The following LINGO2 variants were observed in gnomAD, a reference collection of about 807,000 sequenced individuals.
LINGO2 encodes leucine rich repeat and Ig domain containing 2.
LINGO2 carries 14 observed loss-of-function variants against 30.6 expected under a neutral mutation model. The ratio of observed to expected loss-of-function variants is 0.46; its 90% CI spans 0.30 to 0.72. The LOEUF (loss-of-function observed/expected upper bound fraction) is 0.72. LINGO2 is among the 30% of genes least tolerant of loss of function. The pLI, the probability that LINGO2 is intolerant of heterozygous loss-of-function variation, is 0.07. For missense variants in LINGO2, 729 were observed against 751.7 expected (o/e 0.97, Z 0.35); for synonymous variants, 317 against 288.5 (o/e 1.10, Z -1.00).
At chr9:28,349,130 C>T (rs1009927738) in intron 3 of LINGO2, among the ~76,000 whole-genome samples, 24 of 152,170 alleles carry the variant, frequency 1.6e-4, no homozygotes, top group Admixed American at 1.1e-3. Context: ...TCACTAGCAA[C>T]GGAACAAAGC....
intron 2 of LINGO2, among the ~76,000 whole-genome samples, chr9:28,414,742 C>T (rs1322662278): frequency 1.3e-5 from 2 of 152,074 alleles, no homozygotes; most frequent in African/African-American, 4.8e-5. Flanking sequence ...AGCCTCCCCT[C>T]AACTGGGCTT....
Position 28,335,949 on chromosome 9 carries a change from C to G in LINGO2, c.-246+36887G>C, listed in dbSNP as rs531242456. 3.9e-5 allele frequency among the ~76,000 whole-genome samples: 6 copies of G among 151,950 alleles called. No homozygotes were observed. In the East Asian group the frequency reaches 1.2e-3, roughly 29 times the overall value. Reference sequence around the variant, plus strand: ...AGTTTACTTTTCTGTTAGATCAATGCTCAGTAGTATAATTTTAGATGTAAT... The same window carrying G: ...AGTTTACTTTTCTGTTAGATCAATGGTCAGTAGTATAATTTTAGATGTAAT... On this transcript the variant is annotated intron_variant, in intron 3 of 5. Transcript: ENST00000379992.
At chr9:28,605,082 C>A (rs1426599006) in intron 1 of LINGO2, among the ~76,000 whole-genome samples, 1 of 151,926 alleles carries the variant, frequency 6.6e-6, no homozygotes, top group Non-Finnish European at 1.5e-5. Flanking sequence ...GATTACTATT[C>A]ATACGTAGTT....
the LINGO2 span, among the ~76,000 whole-genome samples, chr9:28,866,304 T>G: frequency 1.3e-5 from 2 of 152,114 alleles, no homozygotes; most frequent in Non-Finnish European, 2.9e-5. Context: ...TTTATTGTAT[T>G]TTTTTAAGGT....
intron 3 of LINGO2, among the ~76,000 whole-genome samples, chr9:28,355,863 C>T (rs553088762): frequency 6.6e-6 from 1 of 152,234 alleles, no homozygotes; most frequent in East Asian, 1.9e-4. Context: ...TTGTTGCCAG[C>T]GTGAGTATCA....
chr9:27,977,484 G>A (rs1019226322), intron 5 of LINGO2, among the ~76,000 whole-genome samples: 3 of 151,808 alleles, frequency 2.0e-5, no homozygotes, highest in Non-Finnish European at 4.4e-5. Context: ...AGATTACGAC[G>A]ACTCCCTGAC....
At chr9:27,989,514 A>G (rs1821290203) in intron 5 of LINGO2, among the ~76,000 whole-genome samples, 1 of 151,782 alleles carries the variant, frequency 6.6e-6, no homozygotes, top group African/African-American at 2.4e-5. Flanking sequence ...CGAACTATAG[A>G]AAGAACTATA....
the LINGO2 span, among the ~76,000 whole-genome samples, chr9:29,058,132 A>C: frequency 6.6e-6 from 1 of 152,146 alleles, no homozygotes. Flanking sequence ...CAATAGATTA[A>C]GAAAAGAGAG....
intron 4 of LINGO2, among the ~76,000 whole-genome samples, chr9:28,292,306 T>A (rs1823758916): frequency 6.6e-6 from 1 of 152,132 alleles, no homozygotes; most frequent in African/African-American, 2.4e-5. Context: ...AGGATAACAA[T>A]AAGATCCAAC....
At chr9:28,041,165 C>CG in intron 4 of LINGO2, among the ~76,000 whole-genome samples, 1 of 152,200 alleles carries the variant, frequency 6.6e-6, no homozygotes. Flanking sequence ...ATCTTTGTGT[C>CG]TGAATCTAGC....
chr9:28,148,272 T>C lies in LINGO2; in HGVS notation c.-86-135867A>G. 2.6e-6 allele frequency: 2 copies of C among 773,410 alleles called. No individual in the cohort carries two copies. The highest frequency in any genetic ancestry group is 4.3e-6 in the Non-Finnish European group (2 of 469,938). 47.9% of individuals were successfully genotyped at this position (773,410 alleles called of 1,614,324 possible). On this transcript the variant is annotated intron_variant, in intron 4 of 5. Transcript: ENST00000379992. The surrounding 1 kb of genome is among the most constrained non-coding windows in gnomAD (Gnocchi z 5.1). ...CCACAGAGGGTCCTGTCTCCTGTGGTCTGGAGCCCCGCCTCAAGGAAGAAA... is the reference window on the plus strand; with the variant it reads ...CCACAGAGGGTCCTGTCTCCTGTGGCCTGGAGCCCCGCCTCAAGGAAGAAA...
the LINGO2 span, among the ~76,000 whole-genome samples, chr9:28,945,146 C>T: frequency 6.6e-6 from 1 of 152,084 alleles, no homozygotes; most frequent in South Asian, 2.1e-4. Flanking sequence ...CCAAGATTGG[C>T]CCTATCGTTT....
In LINGO2 at chr9:27,976,228, G is replaced by C. The variant is rs530404358; in HGVS notation, c.-35-25522C>G. On this transcript the variant is annotated intron_variant, in intron 5 of 5. Transcript: ENST00000379992. Reference sequence around the variant, plus strand: ...AGTACCACATGATTCTGCTTTTATGGCCACTAATATATTTTAGGACAGCAA... The same window carrying C: ...AGTACCACATGATTCTGCTTTTATGCCCACTAATATATTTTAGGACAGCAA... Among the ~76,000 whole-genome samples the C allele has an allele frequency of 3.3e-5, 5 of 152,164 alleles. No individual in the cohort carries two copies. In the South Asian group the frequency reaches 1.0e-3, roughly 32 times the overall value.
chr9:28,662,788 G>A (rs1828631424), intron 1 of LINGO2, among the ~76,000 whole-genome samples: 1 of 152,124 alleles, frequency 6.6e-6, no homozygotes, highest in Admixed American at 6.5e-5. Flanking sequence ...GTTGCTGAAT[G>A]AATATTGAAA....
the LINGO2 span, among the ~76,000 whole-genome samples, chr9:28,836,992 C>T: frequency 2.0e-5 from 3 of 152,148 alleles, no homozygotes; most frequent in African/African-American, 4.8e-5. Flanking sequence ...TCTCAAAAGA[C>T]AGGATTTCTA....
chr9:28,124,547 CTTTG>C (rs1827187102), intron 4 of LINGO2, among the ~76,000 whole-genome samples: 1 of 152,242 alleles, frequency 6.6e-6, no homozygotes. Context: ...TTATCTTGTT[CTTTG>C]TTTCTTTTTT....
intron 4 of LINGO2, among the ~76,000 whole-genome samples, chr9:28,207,216 T>C (rs1045205442): frequency 2.6e-5 from 4 of 152,158 alleles, no homozygotes; most frequent in Non-Finnish European, 5.9e-5. Context: ...CAAAGTACTT[T>C]CAGGTTAGCC....
intron 1 of LINGO2, among the ~76,000 whole-genome samples, chr9:28,662,902 T>G (rs1828635788): frequency 6.6e-6 from 1 of 152,142 alleles, no homozygotes; most frequent in Non-Finnish European, 1.5e-5. Flanking sequence ...TAAGCAAAAA[T>G]GAGCCTTTCC....
At chr9:29,063,507 A>G in the LINGO2 span, among the ~76,000 whole-genome samples, 2 of 151,722 alleles carry the variant, frequency 1.3e-5, no homozygotes, top group African/African-American at 4.8e-5. Context: ...GGTTTGAGCA[A>G]TTCTTCTGCC....
Sources: gnomAD v4.1 joint callset for allele counts (sites outside exome capture counted in the v4.1 genomes callset) on GRCh38, gnomAD v4.1.1 for gene constraint, Gnocchi (gnomAD v3.1) non-coding constraint, MANE v1.5 for transcripts, NCBI Gene and HGNC (gene_info 2026-07-23, HGNC 2026-07-21) for gene names.